Variants in KDM4B observed in about 807,000 individuals in gnomAD.
KDM4B encodes the protein lysine-specific demethylase 4B.
A neutral mutation model predicts 125.2 loss-of-function variants in KDM4B; 32 were observed. The ratio of observed to expected loss-of-function variants is 0.26; its 90% confidence interval spans 0.19 to 0.34. The LOEUF (loss-of-function observed/expected upper bound fraction) is 0.34. KDM4B is among the 10% of genes least tolerant of loss of function. KDM4B has a pLI of 1.00. For missense variants in KDM4B, 1,190 were observed against 1,577.7 expected, an observed-to-expected ratio of 0.75 and a Z score of 4.16; for synonymous variants, 721 against 677.9, an observed-to-expected ratio of 1.06 and a Z score of -0.99.
intron 1 of KDM4B, among the ~76,000 whole-genome samples, chr19:4,970,294 T>C (rs2034209604): frequency 6.6e-6 from 1 of 152,226 alleles, no homozygotes; most frequent in African/African-American, 2.4e-5. Context: ...TTTTAATAAT[T>C]TACCAGCACC....
intron 6 of KDM4B, among the ~76,000 whole-genome samples, chr19:5,057,971 A>C (rs1274129426): frequency 2.6e-5 from 4 of 152,176 alleles, no homozygotes; most frequent in Non-Finnish European, 5.9e-5. Context: ...GCTGCTGTGT[A>C]GGTGAGGGAA....
chr19:5,118,273 C>T (rs934179724), intron 10 of KDM4B, among the ~76,000 whole-genome samples: 1 of 152,206 alleles, frequency 6.6e-6, no homozygotes, highest in African/African-American at 2.4e-5. Flanking sequence ...ACAGGGGACA[C>T]GGGAAGCACC....
intron 11 of KDM4B, among the ~76,000 whole-genome samples, chr19:5,121,182 G>A (rs1205656363): frequency 6.6e-6 from 1 of 152,128 alleles, no homozygotes; most frequent in East Asian, 1.9e-4. Context: ...AGATATTGAG[G>A]GTCACAGTTT....
At chr19:5,039,563 G>A (rs989426492) in intron 3 of KDM4B, among the ~76,000 whole-genome samples, 8 of 152,358 alleles carry the variant, frequency 5.3e-5, no homozygotes, top group African/African-American at 1.9e-4. Context: ...CTGCACACAC[G>A]TGTCAGGGTT....
At chr19:5,144,211 G>A (rs757412872) in intron 19 of KDM4B, 37 bp from the exon 20 acceptor site, 100 of 1,018,606 alleles carry the variant, frequency 9.8e-5, no homozygotes, top group African/African-American at 5.3e-4. Context: ...ACCGACACCC[G>A]CGCTGACCGC....
At position 5,040,475 on chromosome 19, in the gene KDM4B, G is replaced by A. The variant is rs554554750; in HGVS notation, c.317+464G>A. On this transcript the variant is annotated intron_variant, in intron 4 of 22. Coordinates refer to ENST00000159111, the MANE Select transcript of KDM4B (RefSeq NM_015015.3). ...GCACACACGGGTACACATGGCACAC[G>A]CACGTTTCTACACAGGGACACACAG... 4.7e-4 allele frequency among the ~76,000 whole-genome samples: 71 copies of A among 152,114 alleles called. No homozygotes were observed. In the Middle Eastern group the frequency reaches 0.01, roughly 22 times the overall value.
intron 6 of KDM4B, among the ~76,000 whole-genome samples, chr19:5,064,551 G>A (rs889577652): frequency 2.0e-5 from 3 of 152,192 alleles, no homozygotes; most frequent in Non-Finnish European, 4.4e-5. Context: ...AGGCTGGGCC[G>A]TGGGTTGGAT....
chr19:5,062,244 G>A (rs928978530), intron 6 of KDM4B, among the ~76,000 whole-genome samples: 1 of 152,234 alleles, frequency 6.6e-6, no homozygotes, highest in Non-Finnish European at 1.5e-5. Context: ...GTGTGTCCTG[G>A]CCTGTGGATC....
Position 5,082,822 on chromosome 19 carries a change from G to A in KDM4B, c.918+318G>A, listed in dbSNP as rs1429391801. Among the ~76,000 whole-genome samples the A allele has an allele frequency of 2.0e-5, 3 of 152,204 alleles. No individual in the cohort carries two copies. Among genetic ancestry groups the A allele is most frequent in the African/African-American group, 7.2e-5 (3 of 41,456 alleles). On this transcript the variant is annotated intron_variant, in intron 9 of 22. Transcript: ENST00000159111. This position sits in a 1 kb window ranked among gnomAD's most constrained non-coding sequence, Gnocchi z 5.4. ...GGCCGGCTGCTCGGGTCTAGGGGTT[G>A]GGGTGTTTCCTCCACCAGCACCATT...
chr19:5,047,262 C>T, intron 5 of KDM4B: 1 of 529,878 alleles, frequency 1.9e-6, no homozygotes, highest in South Asian at 2.6e-5. Flanking sequence ...TATGATTCTG[C>T]CACTGCACTC....
At chr19:5,119,506 ACCCCCGG>A in intron 10 of KDM4B, 140 bp from the exon 11 acceptor site, 1 of 814,496 alleles carries the variant, frequency 1.2e-6, no homozygotes. Flanking sequence ...GGTTCCCTTT[ACCCCCGG>A]CCTCCAGCCA....
At chr19:5,043,150 G>GCT (rs2036877266) in intron 5 of KDM4B, among the ~76,000 whole-genome samples, 2 of 146,798 alleles carry the variant, frequency 1.4e-5, no homozygotes, top group East Asian at 2.1e-4. Context: ...TGTCCCGAGT[G>GCT]GTGTTTATCG....
intron 2 of KDM4B, among the ~76,000 whole-genome samples, chr19:5,027,309 C>G (rs1007480099): frequency 6.6e-6 from 1 of 152,216 alleles, no homozygotes; most frequent in Admixed American, 6.5e-5. Context: ...GACCGTGAAG[C>G]CCACCACCAC....
chr19:5,082,468 C>G lies in KDM4B; in HGVS notation c.882C>G (p.Thr294=). The change falls in exon 9 of 23, where the codon ACC becomes ACG. Residue 294 remains threonine (T), a synonymous_variant. Coordinates refer to ENST00000159111, the MANE Select transcript of KDM4B (RefSeq NM_015015.3). The surrounding 1 kb of genome is among the most constrained non-coding windows in gnomAD (Gnocchi z 5.4). ...GCGCAGAATCTACCAACTTCGCCAC[C>G]CTGCGGTGGATTGACTACGGCAAAG... is the stretch of plus-strand genomic sequence containing the variant. The part of the protein sequence containing the change: ...FNCAESTNFA[T]LRWIDYGKVA... 1 of 1,612,062 alleles carries G rather than the reference C, an allele frequency of 6.2e-7. No homozygotes were observed. The highest frequency in any genetic ancestry group is 1.1e-5 in the South Asian group (1 of 90,812).
intron 6 of KDM4B, among the ~76,000 whole-genome samples, chr19:5,065,382 G>T (rs554914125): frequency 1.3e-5 from 2 of 152,224 alleles, no homozygotes. Flanking sequence ...TAACTCAAAG[G>T]CATTTGCTTA....
At chr19:5,104,208 G>C (rs976797202) in intron 9 of KDM4B, among the ~76,000 whole-genome samples, 1 of 152,110 alleles carries the variant, frequency 6.6e-6, no homozygotes, top group Non-Finnish European at 1.5e-5. Context: ...GGACGAGCAG[G>C]CGTGCCAGCA....
intron 9 of KDM4B, among the ~76,000 whole-genome samples, chr19:5,083,726 T>C (rs553046378): frequency 6.6e-6 from 1 of 152,212 alleles, no homozygotes; most frequent in East Asian, 1.9e-4. Context: ...TCCCTCTGGT[T>C]TGGGGTCATG....
chr19:4,988,018 G>A (rs927254704), intron 1 of KDM4B, among the ~76,000 whole-genome samples: 82 of 152,308 alleles, frequency 5.4e-4, no homozygotes, highest in African/African-American at 1.8e-3. Context: ...GCCTGAGAAC[G>A]TGGGAATAAC....
At position 4,971,077 on chromosome 19, in the gene KDM4B, G is replaced by T. The variant is rs2034242059; in HGVS notation, c.-109+1847G>T. Among the ~76,000 whole-genome samples, 1 of 152,176 alleles carries T rather than the reference G, an allele frequency of 6.6e-6. No homozygotes were observed. Among genetic ancestry groups the T allele is most frequent in the African/African-American group, 2.4e-5 (1 of 41,430 alleles). ...TGTGTCAGGAGCTGCGGGTGCCTGC[G>T]TGTGCACGTGTGTGTTTAGTTGCTG... On this transcript the variant is annotated intron_variant, in intron 1 of 22. Transcript: ENST00000159111. This position sits in a 1 kb window ranked among gnomAD's most constrained non-coding sequence, Gnocchi z 4.1.
Sources: gnomAD v4.1 joint callset for allele counts (sites outside exome capture counted in the v4.1 genomes callset) on GRCh38, gnomAD v4.1.1 for gene constraint, Gnocchi (gnomAD v3.1) non-coding constraint, MANE v1.5 for transcripts, NCBI Gene and HGNC (gene_info 2026-07-23, HGNC 2026-07-21) for gene names.